The following ACOX1 variants were observed in gnomAD, a reference collection of about 807,000 sequenced individuals.
The protein encoded by ACOX1 is peroxisomal acyl-coenzyme A oxidase 1.
ACOX1 carries 41 observed loss-of-function variants against 75.5 expected under a neutral mutation model. That is an observed-to-expected ratio of 0.54 (90% CI 0.42 to 0.70). The LOEUF is 0.70. Among genes scored for constraint, ACOX1 ranks in the 30% least tolerant of loss-of-function variants. The probability of loss-of-function intolerance (pLI) is 0.00; values close to 1 mark genes in which losing one functional copy is unlikely to be tolerated. For synonymous variants in ACOX1, 303 were observed against 298.8 expected (o/e 1.01, Z -0.15); for missense variants, 630 against 837.5 (o/e 0.75, Z 3.06).
chr17:75,969,889 G>C (rs143579063), intron 2 of ACOX1, among the ~76,000 whole-genome samples: 431 of 152,222 alleles, frequency 2.8e-3, no homozygotes, highest in South Asian at 6.2e-3. Flanking sequence ...AAGACAGAAA[G>C]AGAGCGAGAA....
rs369138672 is a variant in ACOX1, at chr17:75,978,980, G to C, written c.94C>G (p.Arg32Gly). 7.5e-6 allele frequency: 12 copies of C among 1,610,352 alleles called. No homozygotes were observed. Among genetic ancestry groups the C allele is most frequent in the Non-Finnish European group, 1.0e-5 (12 of 1,179,972 alleles). The change falls in exon 1 of 14, where the codon CGC becomes GGC. Residue 32 changes from arginine (R) to glycine (G), a missense_variant. By Grantham distance (125) the Arg-to-Gly change is moderately radical. This residue lies in a region of ACOX1 where 390 missense variants were observed against 574.9 expected (regional missense o/e 0.68). Coordinates refer to ENST00000293217, the MANE Select transcript of ACOX1 (RefSeq NM_004035.7). The surrounding 1 kb of genome is among the most constrained non-coding windows in gnomAD (Gnocchi z 4.2). ...CCGCCCTCACCGATCTCTCGGCGGC[G>C]CCGGGTTTTCTCGGGGCTGCCGTCC... ...ILDGSPEKTR[R>G]RREIENMILN... is the part of the protein sequence containing the mutation.
At chr17:75,956,098 A>G in intron 4 of ACOX1, 151 bp from the exon 5 acceptor site, 3 of 985,466 alleles carry the variant, frequency 3.0e-6, no homozygotes, top group Non-Finnish European at 4.6e-6. Context: ...CATCACACCT[A>G]GCTTTCAGAA....
rs936991768 is a variant in ACOX1, at chr17:75,960,497, A to G, written c.270-122T>C. On this transcript the variant is annotated intron_variant, in intron 2 of 13. Transcript: ENST00000293217. The surrounding 1 kb of genome is among the most constrained non-coding windows in gnomAD (Gnocchi z 4.4). ...CCTTAAGTATGAATTAGTTGCGTGC[A>G]CTTAATCATAGATGGGAGCACTGTC... The G allele has an allele frequency of 3.2e-6, 3 of 951,240 alleles. No homozygotes were observed. Among genetic ancestry groups the G allele is most frequent in the Non-Finnish European group, 4.9e-6 (3 of 612,804 alleles). The allele number at this position is 951,240 out of a possible 1,614,324, so 58.9% of individuals were successfully genotyped here. A position where few individuals can be genotyped will look rare whatever the true frequency, so the allele number is the denominator to read the frequency against.
In ACOX1 at chr17:75,955,902, G is replaced by A; in HGVS notation, c.584C>T (p.Thr195Ile). The change falls in exon 5 of 14, where the codon ACT becomes ATT. Residue 195 changes from threonine to isoleucine, a missense_variant. By Grantham distance (89) the Thr-to-Ile change is moderately conservative. This residue lies in a region of ACOX1 where 390 missense variants were observed against 574.9 expected (regional missense o/e 0.68). Transcript: ENST00000293217. Reference protein sequence around the residue: ...NHAIVLAQLITKGKCYGLHAF... With the variant: ...NHAIVLAQLIIKGKCYGLHAF... ...ATGTAATCCATAGCATTTCCCCTTA[G>A]TGATGAGCTGGGCAAGAACTATTGC... 2 of 1,614,036 alleles carry A rather than the reference G, an allele frequency of 1.2e-6. No individual in the cohort carries two copies. The highest frequency in any genetic ancestry group is 1.7e-6 in the Non-Finnish European group (2 of 1,179,974).
intron 2 of ACOX1, among the ~76,000 whole-genome samples, chr17:75,977,482 C>G (rs2066063299): frequency 6.6e-6 from 1 of 151,988 alleles, no homozygotes; most frequent in South Asian, 2.1e-4. Context: ...AGGAGAATCG[C>G]TTGAATCCGG....
At position 75,950,306 on chromosome 17, in the gene ACOX1, C is replaced by T. The variant is rs911092458; in HGVS notation, c.1299-409G>A. 1.3e-5 allele frequency among the ~76,000 whole-genome samples: 2 copies of T among 151,138 alleles called. No homozygotes were observed. Among genetic ancestry groups the T allele is most frequent in the African/African-American group, 4.9e-5 (2 of 41,012 alleles). ...TGTTGCCCAGGATGGAGTGCAATAG[C>T]GCAATCTTGGCTCACTGCAACCTCC... On this transcript the variant is annotated intron_variant, in intron 9 of 13. Transcript: ENST00000293217. This position sits in a 1 kb window ranked among gnomAD's most constrained non-coding sequence, Gnocchi z 4.3.
intron 2 of ACOX1, among the ~76,000 whole-genome samples, chr17:75,967,667 T>TATATACGTATATATATACATACATATAC (rs1431643064): frequency 1.0e-5 from 1 of 98,560 alleles, no homozygotes; most frequent in African/African-American, 6.5e-5. Flanking sequence ...CATACATATA[T>TATATACGTATATATATACATACATATAC]ATACATATAT....
chr17:75,973,520 A>C, intron 2 of ACOX1: 2 of 1,248,052 alleles, frequency 1.6e-6, no homozygotes, highest in Non-Finnish European at 2.3e-6. Context: ...ACAACTTAAA[A>C]ATAGAATCCC....
rs1229794958 is a variant in ACOX1, at chr17:75,945,123, CAA to C, written c.*1623_*1624del. 2.0e-5 allele frequency: 3 copies of C among 152,172 alleles called. No individual in the cohort carries two copies. Among genetic ancestry groups the C allele is most frequent in the African/African-American group, 7.2e-5 (3 of 41,442 alleles). The allele number at this position is 152,172 out of a possible 1,614,324, so 9.4% of individuals were successfully genotyped here. A position where few individuals can be genotyped will look rare whatever the true frequency, so the allele number is the denominator to read the frequency against. ...CAGGTCGATGATCTCCTCAAACCTG[CAA>C]AGACATCCCATCTATGCAACTGGAT... On this transcript the variant is annotated 3_prime_UTR_variant, in exon 14 of 14. Coordinates refer to ENST00000293217, the MANE Select transcript of ACOX1 (RefSeq NM_004035.7).
At chr17:75,963,155 C>CA (rs1169672500) in intron 2 of ACOX1, among the ~76,000 whole-genome samples, 1 of 151,972 alleles carries the variant, frequency 6.6e-6, no homozygotes, top group Non-Finnish European at 1.5e-5. Context: ...ACGAACAAAA[C>CA]AGACACTGGA....
At chr17:75,959,986 C>G (rs1031865321) in intron 3 of ACOX1, among the ~76,000 whole-genome samples, 1 of 152,194 alleles carries the variant, frequency 6.6e-6, no homozygotes, top group East Asian at 1.9e-4. Flanking sequence ...TCTTGACCCT[C>G]TGAAGGGGAA....
chr17:75,958,734 GAA>G (rs1324893303), intron 3 of ACOX1, among the ~76,000 whole-genome samples: 59 of 150,952 alleles, frequency 3.9e-4, no homozygotes, highest in African/African-American at 1.4e-3. Flanking sequence ...CGTGAACCCG[GAA>G]GGTGGAGCTT....
chr17:75,954,135 G>A (rs4788913), intron 6 of ACOX1, among the ~76,000 whole-genome samples: 82,649 of 151,066 alleles, frequency 0.55, 25,924 homozygotes, highest in East Asian at 0.78. Context: ...AGAATCGCTT[G>A]AACCTGGGAG....
chr17:75,956,967 CTCTCTATATATATATA>C (rs2065836324), intron 4 of ACOX1, among the ~76,000 whole-genome samples: 80 of 11,034 alleles, frequency 7.3e-3, no homozygotes, highest in South Asian at 0.011. Flanking sequence ...CTCTCTCTCT[CTCTCTATATATATATA>C]TATATATATA....
Position 75,960,149 on chromosome 17 carries a change from G to A in ACOX1, c.430+66C>T. On this transcript the variant is annotated intron_variant, in intron 3 of 13. Coordinates refer to ENST00000293217, the MANE Select transcript of ACOX1 (RefSeq NM_004035.7). The surrounding 1 kb of genome is among the most constrained non-coding windows in gnomAD (Gnocchi z 4.4). ...ACACACCATCGATGGCACATGGTGG[G>A]CACTCCACACATGGTAAGCTCACAG... The A allele has an allele frequency of 6.3e-7, 1 of 1,592,774 alleles. No individual in the cohort carries two copies. The highest frequency in any genetic ancestry group is 8.6e-7 in the Non-Finnish European group (1 of 1,163,112).
chr17:75,956,160 T>A (rs577528200), intron 4 of ACOX1, among the ~76,000 whole-genome samples: 3 of 152,332 alleles, frequency 2.0e-5, no homozygotes, highest in Admixed American at 2.0e-4. Context: ...TTATTTCTCA[T>A]ACATTTACGT....
intron 2 of ACOX1, among the ~76,000 whole-genome samples, chr17:75,965,104 G>A (rs1345287616): frequency 2.0e-5 from 3 of 152,166 alleles, no homozygotes; most frequent in Non-Finnish European, 2.9e-5. Context: ...TTGAGAGGCC[G>A]AGGAGGGCGC....
rs55762557 is a variant in ACOX1, at chr17:75,970,184, C to CAAAAAAAAAAAAAAAAAAAAAAAAAAA, written c.269+8349_269+8350insTTTTTTTTTTTTTTTTTTTTTTTTTTT. Among the ~76,000 whole-genome samples, 7 of 69,082 alleles carry CAAAAAAAAAAAAAAAAAAAAAAAAAAA rather than the reference C, an allele frequency of 1.0e-4. 1 individual carries two copies. The highest frequency in any genetic ancestry group is 2.0e-4 in the Non-Finnish European group (7 of 35,604). The allele number at this position is 69,082 out of a possible 152,430, so 45.3% of individuals were successfully genotyped here. A position where few individuals can be genotyped will look rare whatever the true frequency, so the allele number is the denominator to read the frequency against. On this transcript the variant is annotated intron_variant, in intron 2 of 13. Transcript: ENST00000293217. ...CAGCTTGGGCAACATGAGACTCCTTCAAAAAAAAAAAAAAAAAGAGGAAGG... is the reference window on the plus strand; with the variant it reads ...CAGCTTGGGCAACATGAGACTCCTTCAAAAAAAAAAAAAAAAAAAAAAAAAAAAAAAAAAAAAAAAAAAAGAGGAAGG...
chr17:75,960,978 C>CA lies in ACOX1; in HGVS notation c.270-604dup, dbSNP rs199662848. 4.3e-4 allele frequency among the ~76,000 whole-genome samples: 64 copies of CA among 149,706 alleles called. 1 individual carries two copies. The Middle Eastern group carries it at 0.01, about 24-fold the overall frequency. On this transcript the variant is annotated intron_variant, in intron 2 of 13. Coordinates refer to ENST00000293217, the MANE Select transcript of ACOX1 (RefSeq NM_004035.7). This position sits in a 1 kb window ranked among gnomAD's most constrained non-coding sequence, Gnocchi z 4.4. The stretch of plus-strand genomic sequence containing the variant: ...TGGGTGACAGAGTGAGACTCTGTCT[C>CA]AAAAAAAATAAATAAATAAATAAGA...
Sources: allele counts gnomAD v4.1 joint callset (sites outside exome capture counted in the v4.1 genomes callset), GRCh38; gene constraint gnomAD v4.1.1; regional missense constraint gnomAD v4.1.1; non-coding constraint Gnocchi (gnomAD v3.1); transcripts MANE v1.5; gene names NCBI Gene and HGNC (gene_info 2026-07-23, HGNC 2026-07-21).